PCLO: variants seen among roughly 807,000 people sequenced by gnomAD.
The protein encoded by PCLO is protein piccolo.
Under a neutral mutation model 427.5 loss-of-function variants are expected in PCLO, and 82 were observed. That is an observed-to-expected ratio of 0.19 (90% CI 0.16 to 0.23). The LOEUF (loss-of-function observed/expected upper bound fraction) is 0.23. Ranked by LOEUF, PCLO falls within the 10% of genes least tolerant of loss-of-function variation. The pLI, the probability that PCLO is intolerant of heterozygous loss-of-function variation, is 1.00. For synonymous variants in PCLO, 2,357 were observed against 2,155.4 expected (o/e 1.09, Z -2.59); for missense variants, 6,239 against 6,115.9 (o/e 1.02, Z -0.67).
At chr7:82,929,745 A>G (rs926501389) in intron 6 of PCLO, among the ~76,000 whole-genome samples, 1 of 152,160 alleles carries the variant, frequency 6.6e-6, no homozygotes, top group Admixed American at 6.6e-5. Flanking sequence ...ATGTTCAAAA[A>G]CTACTATTAT....
intron 22 of PCLO, among the ~76,000 whole-genome samples, chr7:82,771,440 T>C (rs1351019890): frequency 6.6e-6 from 1 of 152,012 alleles, no homozygotes; most frequent in Non-Finnish European, 1.5e-5. Context: ...TCAAGAAATA[T>C]AATTTTCCAC....
In PCLO at chr7:83,125,707, G is replaced by T. The variant is rs548216346; in HGVS notation, c.3300+8543C>A. On this transcript the variant is annotated intron_variant, in intron 3 of 24. Transcript: ENST00000333891. ...GGCAGCATGCTCCTTAAGAGTCATC[G>T]CCACGCCCTAATCTCAAGTACCCAG... 2.4e-3 allele frequency among the ~76,000 whole-genome samples: 366 copies of T among 151,952 alleles called. 1 individual carries two copies. The highest frequency in any genetic ancestry group is 0.017 in the Middle Eastern group (5 of 292).
At chr7:82,999,814 A>AAATATAATATATAATATTATATATAT in intron 3 of PCLO, among the ~76,000 whole-genome samples, 1 of 116,908 alleles carries the variant, frequency 8.6e-6, no homozygotes, top group Non-Finnish European at 1.7e-5. Context: ...ATTATATATA[A>AAATATAATATATAATATTATATATAT]AATATAATAT....
chr7:82,928,016 T>G (rs56104722), intron 6 of PCLO, among the ~76,000 whole-genome samples: 2,244 of 152,328 alleles, frequency 0.015, 33 homozygotes, highest in Non-Finnish European at 0.024. Context: ...TCTATGTGTG[T>G]AAAAGCAGTC....
chr7:82,953,567 T>C lies in PCLO; in HGVS notation c.7386A>G (p.Leu2462=). 6.2e-7 allele frequency: 1 copy of C among 1,612,608 alleles called. No individual in the cohort carries two copies. Reference sequence around the variant, plus strand: ...TACTTCTCAGAACAGCTGTGGTCTCTAGAGTAGTAACAGCATCAAACAGAG... The same window carrying C: ...TACTTCTCAGAACAGCTGTGGTCTCCAGAGTAGTAACAGCATCAAACAGAG... ...ATPLFDAVTT[L]ETTAVLRSNG... is the part of the protein sequence containing the mutation. Residue 2462 remains leucine (L), a synonymous_variant, in exon 5 of 25, where the codon CTA becomes CTG. Transcript: ENST00000333891.
chr7:83,130,202 C>T (rs528615957), intron 3 of PCLO, among the ~76,000 whole-genome samples: 33 of 152,124 alleles, frequency 2.2e-4, no homozygotes, highest in African/African-American at 6.0e-4. Flanking sequence ...TTATTTGAGA[C>T]GAAGTCTCTC....
rs148992478 is a variant in PCLO, at chr7:82,924,785, C to T, written c.11113-7912G>A. Among the ~76,000 whole-genome samples, 648 of 151,742 alleles carry T rather than the reference C, an allele frequency of 4.3e-3. 6 individuals carry two copies. Among genetic ancestry groups the T allele is most frequent in the African/African-American group, 0.015 (624 of 41,416 alleles). On this transcript the variant is annotated intron_variant, in intron 6 of 24. Coordinates refer to ENST00000333891, the MANE Select transcript of PCLO (RefSeq NM_033026.6). ...CTTAATTTTAAAATTCAAGAAACTC[C>T]TACTATCTTAAAAATAACTTAAGAA...
At chr7:83,083,781 C>T (rs1483442413) in intron 3 of PCLO, among the ~76,000 whole-genome samples, 2 of 152,098 alleles carry the variant, frequency 1.3e-5, no homozygotes, top group African/African-American at 4.8e-5. Flanking sequence ...ACCCTGCCCA[C>T]TCAAACATAT....
intron 3 of PCLO, among the ~76,000 whole-genome samples, chr7:83,036,687 A>G (rs907863683): frequency 3.7e-4 from 56 of 152,122 alleles, no homozygotes; most frequent in African/African-American, 1.3e-3. Context: ...GTCTGAATAT[A>G]GAACAGTAAA....
At chr7:82,920,130 A>C (rs190166035) in intron 6 of PCLO, among the ~76,000 whole-genome samples, 1 of 151,856 alleles carries the variant, frequency 6.6e-6, no homozygotes, top group African/African-American at 2.4e-5. Flanking sequence ...ATTCTAATTT[A>C]AAAAAACCTC....
chr7:82,824,952 A>G (rs1203352635), intron 18 of PCLO, among the ~76,000 whole-genome samples: 1 of 152,082 alleles, frequency 6.6e-6, no homozygotes, highest in African/African-American at 2.4e-5. Flanking sequence ...CTGTCTCAAA[A>G]AACAAACAAA....
chr7:83,001,953 A>G (rs560638401), intron 3 of PCLO, among the ~76,000 whole-genome samples: 1 of 152,142 alleles, frequency 6.6e-6, no homozygotes, highest in Admixed American at 6.6e-5. Context: ...GCATGTTACT[A>G]TAATATTCTA....
intron 2 of PCLO, 111 bp from the exon 3 acceptor site, chr7:83,135,767 G>T (rs1791711537): frequency 1.7e-6 from 1 of 604,912 alleles, no homozygotes; most frequent in Non-Finnish European, 2.8e-6. Context: ...ATTCAAAGCA[G>T]AAAATATAGA....
intron 3 of PCLO, among the ~76,000 whole-genome samples, chr7:82,967,927 A>G (rs1250086934): frequency 6.6e-6 from 1 of 152,188 alleles, no homozygotes; most frequent in Non-Finnish European, 1.5e-5. Flanking sequence ...TGCTCTGAGA[A>G]GTTCAGTTTC....
chr7:82,801,106 C>A (rs965181275), intron 22 of PCLO, among the ~76,000 whole-genome samples: 1 of 149,680 alleles, frequency 6.7e-6, no homozygotes, highest in African/African-American at 2.4e-5. Context: ...CCATTAATTT[C>A]TTCTCAGCTT....
chr7:83,073,554 A>G (rs1384239434), intron 3 of PCLO, among the ~76,000 whole-genome samples: 1 of 151,992 alleles, frequency 6.6e-6, no homozygotes, highest in Non-Finnish European at 1.5e-5. Context: ...TGCAGCTTCA[A>G]TTACCAAGAA....
chr7:82,931,756 T>A (rs893673254), intron 6 of PCLO, among the ~76,000 whole-genome samples: 6 of 152,152 alleles, frequency 3.9e-5, no homozygotes, highest in Admixed American at 6.6e-5. Context: ...TTTTGTAACC[T>A]AATTTTGGAA....
chr7:83,146,104 G>A (rs1791987819), intron 2 of PCLO, among the ~76,000 whole-genome samples: 1 of 152,330 alleles, frequency 6.6e-6, no homozygotes, highest in African/African-American at 2.4e-5. Flanking sequence ...AATGCATGGT[G>A]TTCAAACTAC....
At chr7:82,797,027 T>A (rs1225787078) in intron 22 of PCLO, among the ~76,000 whole-genome samples, 1 of 152,000 alleles carries the variant, frequency 6.6e-6, no homozygotes. Flanking sequence ...GCTATAATAA[T>A]AGCTGTTATT....
Sources: gnomAD v4.1 joint callset for allele counts (sites outside exome capture counted in the v4.1 genomes callset) on GRCh38, gnomAD v4.1.1 for gene constraint, MANE v1.5 for transcripts, NCBI Gene and HGNC (gene_info 2026-07-23, HGNC 2026-07-21) for gene names.